DCAF1: variants seen among roughly 807,000 people sequenced by gnomAD.
DCAF1 encodes the protein DDB1 and CUL4 associated factor 1.
A neutral mutation model predicts 128.0 loss-of-function variants in DCAF1; 15 were observed. The observed-to-expected ratio is 0.12, with a 90% CI of 0.08 to 0.18. The LOEUF is 0.18. DCAF1 is among the 10% of genes least tolerant of loss of function. The pLI, the probability that DCAF1 is intolerant of heterozygous loss-of-function variation, is 1.00. For synonymous variants in DCAF1, 610 were observed against 603.0 expected, an observed-to-expected ratio of 1.01 and a Z score of -0.17; for missense variants, 988 against 1,649.5, an observed-to-expected ratio of 0.60 and a Z score of 6.95.
At chr3:51,446,993 T>TAATAATAATAATAAA (rs1457860366) in intron 6 of DCAF1, among the ~76,000 whole-genome samples, 100 of 147,542 alleles carry the variant, frequency 6.8e-4, no homozygotes, top group Non-Finnish European at 1.2e-3. Flanking sequence ...ATAATAATAA[T>TAATAATAATAATAAA]AATAATAAAA....
chr3:51,466,149 C>T (rs781802377), intron 5 of DCAF1, among the ~76,000 whole-genome samples: 26 of 152,132 alleles, frequency 1.7e-4, no homozygotes, highest in Non-Finnish European at 3.2e-4. Flanking sequence ...TTGCAGTAAG[C>T]CAAGATTGTG....
intron 24 of DCAF1, 123 bp downstream of exon 24, chr3:51,403,020 G>A (rs2089843094): frequency 6.9e-7 from 1 of 1,443,916 alleles, no homozygotes; most frequent in Admixed American, 2.8e-5. Context: ...AGAGACCAGA[G>A]TAGTGAATCA....
intron 2 of DCAF1, among the ~76,000 whole-genome samples, chr3:51,488,201 C>T (rs1242178684): frequency 2.6e-5 from 4 of 152,150 alleles, no homozygotes; most frequent in Non-Finnish European, 4.4e-5. Flanking sequence ...ACCAATCCTT[C>T]TCAAACTTCT....
chr3:51,419,110 T>C (rs568131855), intron 15 of DCAF1, among the ~76,000 whole-genome samples: 63 of 152,232 alleles, frequency 4.1e-4, no homozygotes, highest in Middle Eastern at 3.4e-3. Flanking sequence ...CCTATAATCC[T>C]AGCACTTTGG....
At position 51,398,266 on chromosome 3, in the gene DCAF1, T is replaced by C. The variant is rs1577029767; in HGVS notation, c.*503A>G. On this transcript the variant is annotated 3_prime_UTR_variant, in exon 25 of 25. Transcript: ENST00000684031. ...CGATTTTCCTTTTCATTTAAATACG[T>C]ATGTAAAAATGCCTCTATATTGTTC... The C allele has an allele frequency of 6.6e-6, 1 of 152,180 alleles. No individual in the cohort carries two copies. Among genetic ancestry groups the C allele is most frequent in the Non-Finnish European group, 1.5e-5 (1 of 68,044 alleles). The allele number at this position is 152,180 out of a possible 1,614,324, so 9.4% of individuals were successfully genotyped here.
intron 2 of DCAF1, among the ~76,000 whole-genome samples, chr3:51,486,101 A>G (rs1302897257): frequency 1.3e-5 from 2 of 151,866 alleles, no homozygotes; most frequent in Non-Finnish European, 1.5e-5. Context: ...CGTGTTAGCC[A>G]GGATGGTCTC....
At chr3:51,454,935 A>C (rs1468739926) in intron 6 of DCAF1, among the ~76,000 whole-genome samples, 1 of 152,188 alleles carries the variant, frequency 6.6e-6, no homozygotes, top group Non-Finnish European at 1.5e-5. Flanking sequence ...GGCCTCCCAA[A>C]GTGCTGGGGT....
At chr3:51,459,249 C>T (rs991820291) in intron 6 of DCAF1, among the ~76,000 whole-genome samples, 1 of 152,148 alleles carries the variant, frequency 6.6e-6, no homozygotes, top group African/African-American at 2.4e-5. Context: ...CACGGAAATA[C>T]GAACTACCAT....
At chr3:51,441,115 G>A (rs1553638531) in intron 8 of DCAF1, 44 bp from the exon 9 acceptor site, 1 of 1,521,968 alleles carries the variant, frequency 6.6e-7, no homozygotes, top group Admixed American at 1.9e-5. Context: ...TGGCTTTATT[G>A]TCATGTATTT....
chr3:51,419,919 A>G lies in DCAF1; in HGVS notation c.3051T>C (p.Ala1017=). ...IITEYLREQH[A]RCKNPVATCP... ...AGGTGGCAACTGGATTCTTGCAGCG[A>G]GCATGTTGTTCTCTAAGATACTCTG... The change falls in exon 15 of 25, where the codon GCT becomes GCC. Residue 1017 remains alanine, a synonymous_variant. Coordinates refer to ENST00000684031, the MANE Select transcript of DCAF1 (RefSeq NM_001387579.1). 1 of 1,614,000 alleles carries G rather than the reference A, an allele frequency of 6.2e-7. No individual in the cohort carries two copies. The highest frequency in any genetic ancestry group is 8.5e-7 in the Non-Finnish European group (1 of 1,179,900).
At chr3:51,498,048 T>TTA (rs1708423961) in intron 1 of DCAF1, among the ~76,000 whole-genome samples, 1 of 21,618 alleles carries the variant, frequency 4.6e-5, no homozygotes, top group Non-Finnish European at 9.9e-5. Context: ...AGACTCTGTC[T>TTA]CAAAAAAAAA....
At chr3:51,437,998 T>C (rs782352601) in intron 9 of DCAF1, 7 of 327,340 alleles carry the variant, frequency 2.1e-5, no homozygotes, top group Non-Finnish European at 3.6e-5. Flanking sequence ...CATCTTTGTG[T>C]TCCATTCAAA....
Position 51,450,404 on chromosome 3 carries a change from GGAT to G in DCAF1, c.376-6504_376-6502del, listed in dbSNP as rs1702235899. On this transcript the variant is annotated intron_variant, in intron 6 of 24. Coordinates refer to ENST00000684031, the MANE Select transcript of DCAF1 (RefSeq NM_001387579.1). ...GGAAAATGAATTCAGCAGCATAAGAGGATTATACATCATGACTAAATAAACTAA... is the reference window on the plus strand; with the variant it reads ...GGAAAATGAATTCAGCAGCATAAGAGTATACATCATGACTAAATAAACTAA... Among the ~76,000 whole-genome samples the G allele has an allele frequency of 1.3e-5, 2 of 152,028 alleles. 1 individual carries two copies. The highest frequency in any genetic ancestry group is 4.1e-4 in the South Asian group (2 of 4,828).
At chr3:51,489,858 G>A (rs1162017092) in intron 2 of DCAF1, among the ~76,000 whole-genome samples, 1 of 149,828 alleles carries the variant, frequency 6.7e-6, no homozygotes, top group African/African-American at 2.5e-5. Flanking sequence ...TAGATAGATA[G>A]ATGGTATCCA....
chr3:51,475,992 A>T (rs1705398772), intron 3 of DCAF1, among the ~76,000 whole-genome samples: 1 of 152,152 alleles, frequency 6.6e-6, no homozygotes, highest in Admixed American at 6.6e-5. Flanking sequence ...TACGTTACAG[A>T]GTTTCCCTGG....
intron 6 of DCAF1, among the ~76,000 whole-genome samples, chr3:51,446,894 A>G (rs1196165899): frequency 1.3e-5 from 2 of 150,494 alleles, no homozygotes; most frequent in Non-Finnish European, 1.5e-5. Context: ...CGGAAGGTGG[A>G]GATTGCAGTG....
At chr3:51,486,625 C>T (rs990682964) in intron 2 of DCAF1, among the ~76,000 whole-genome samples, 12 of 151,772 alleles carry the variant, frequency 7.9e-5, no homozygotes, top group Admixed American at 4.6e-4. Flanking sequence ...ACTATACATA[C>T]GTTGTTATTT....
At chr3:51,497,156 G>A (rs968500746) in intron 1 of DCAF1, among the ~76,000 whole-genome samples, 7 of 152,042 alleles carry the variant, frequency 4.6e-5, no homozygotes, top group African/African-American at 9.7e-5. Context: ...TTAGCCAGGC[G>A]TGGGGGCACA....
chr3:51,412,384 C>T lies in DCAF1; in HGVS notation c.4207G>A (p.Asp1403Asn). The change falls in exon 23 of 25, where the codon GAC becomes AAC. Residue 1403 changes from aspartate (D) to asparagine (N), a missense_variant. By Grantham distance (23) the Asp-to-Asn change is conservative. This residue lies in a region of DCAF1 where 97 missense variants were observed against 134.5 expected (regional missense o/e 0.72). Coordinates refer to ENST00000684031, the MANE Select transcript of DCAF1 (RefSeq NM_001387579.1). ...RLAEDEDEEE[D>N]QEEEEQEEED... is the part of the protein sequence containing the mutation. ...AAATCTCAAAGACCACTGACCTGGTCCTCCTCTTCATCCTCATCCTCTGCC... is the reference window on the plus strand; with the variant it reads ...AAATCTCAAAGACCACTGACCTGGTTCTCCTCTTCATCCTCATCCTCTGCC... 3 of 1,613,890 alleles carry T rather than the reference C, an allele frequency of 1.9e-6. No individual in the cohort carries two copies.
Sources: gnomAD v4.1 joint callset for allele counts (sites outside exome capture counted in the v4.1 genomes callset) on GRCh38, gnomAD v4.1.1 for gene constraint, gnomAD v4.1.1 regional missense constraint, MANE v1.5 for transcripts, NCBI Gene and HGNC (gene_info 2026-07-23, HGNC 2026-07-21) for gene names.